Variants in CEP120 observed in about 807,000 individuals in gnomAD.
CEP120 encodes the protein centrosomal protein of 120 kDa.
CEP120 carries 113 observed loss-of-function variants against 126.5 expected under a neutral mutation model. The ratio of observed to expected loss-of-function variants is 0.89; its 90% CI spans 0.77 to 1.04. CEP120 has a LOEUF of 1.04. Ranked by LOEUF, CEP120 falls within the 50% of genes least tolerant of loss-of-function variation. The probability of loss-of-function intolerance (pLI) is 0.00; values close to 1 mark genes in which losing one functional copy is unlikely to be tolerated. For synonymous variants in CEP120, 400 were observed against 394.3 expected (o/e 1.01, Z -0.17); for missense variants, 1,230 against 1,155.7 (o/e 1.06, Z -0.93).
At chr5:123,379,047 A>G (rs1438590404) in intron 14 of CEP120, among the ~76,000 whole-genome samples, 2 of 152,056 alleles carry the variant, frequency 1.3e-5, no homozygotes, top group East Asian at 3.9e-4. Context: ...AAAAAAAAAT[A>G]TAGTCAAAGA....
chr5:123,360,137 A>G (rs964956228), intron 18 of CEP120, among the ~76,000 whole-genome samples: 3 of 151,028 alleles, frequency 2.0e-5, no homozygotes, highest in Non-Finnish European at 3.0e-5. Flanking sequence ...TGCACAAACA[A>G]TCTTCTGAAC....
rs1037708528 is a variant in CEP120, at chr5:123,423,329, G to GGCCGCCGCC, written c.-340_-332dup. 5.7e-6 allele frequency: 2 copies of GGCCGCCGCC among 351,604 alleles called. No individual in the cohort carries two copies. Among genetic ancestry groups the GGCCGCCGCC allele is most frequent in the Non-Finnish European group, 1.0e-5 (2 of 192,174 alleles). The allele number at this position is 351,604 out of a possible 1,614,324, so 21.8% of individuals were successfully genotyped here. A position where few individuals can be genotyped will look rare whatever the true frequency, so the allele number is the denominator to read the frequency against. ...TTTCAAACGCCCGGGCGGCCGCAGCGGCCGCCGCCGCGCCCAGCTTCCGCC... is the reference window on the plus strand; with the variant it reads ...TTTCAAACGCCCGGGCGGCCGCAGCGGCCGCCGCCGCCGCCGCCGCGCCCAGCTTCCGCC... On this transcript the variant is annotated 5_prime_UTR_variant, in exon 1 of 20. Transcript: ENST00000306467.
Position 123,423,319 on chromosome 5 carries a change from C to T in CEP120, c.-321G>A. The T allele has an allele frequency of 2.8e-6, 1 of 353,966 alleles. No homozygotes were observed. Among genetic ancestry groups the T allele is most frequent in the Non-Finnish European group, 5.2e-6 (1 of 193,654 alleles). 21.9% of individuals were successfully genotyped at this position (353,966 alleles called of 1,614,324 possible). ...CGTAGCCGCTTTTCAAACGCCCGGG[C>T]GGCCGCAGCGGCCGCCGCCGCGCCC... On this transcript the variant is annotated 5_prime_UTR_variant, in exon 1 of 20. Transcript: ENST00000306467.
In CEP120 at chr5:123,393,573, C is replaced by T. The variant is rs1772549829; in HGVS notation, c.613-76G>A. On this transcript the variant is annotated intron_variant, in intron 5 of 19. Coordinates refer to ENST00000306467, the MANE Select transcript of CEP120 (RefSeq NM_001375405.1). ...CATGCTTAGTGTATCTATTACATTC[C>T]AAAAACATTTGCTAAAATGTTTTTT... 7.4e-6 allele frequency: 9 copies of T among 1,211,134 alleles called. No individual in the cohort carries two copies. In the South Asian group the frequency reaches 1.3e-4, roughly 17 times the overall value. 75.0% of individuals were successfully genotyped at this position (1,211,134 alleles called of 1,614,324 possible). A position where few individuals can be genotyped will look rare whatever the true frequency, so the allele number is the denominator to read the frequency against.
At chr5:123,414,123 A>T (rs1475759122) in intron 3 of CEP120, among the ~76,000 whole-genome samples, 1 of 152,180 alleles carries the variant, frequency 6.6e-6, no homozygotes, top group Non-Finnish European at 1.5e-5. Flanking sequence ...GAATGCCAAG[A>T]GTATTTAGAG....
intron 18 of CEP120, among the ~76,000 whole-genome samples, chr5:123,353,664 C>T (rs1316125878): frequency 6.6e-6 from 1 of 151,796 alleles, no homozygotes; most frequent in Non-Finnish European, 1.5e-5. Context: ...GATTCAATTT[C>T]TCTAATAGCT....
At chr5:123,415,941 A>C in intron 3 of CEP120, 69 bp downstream of exon 3, 2 of 1,011,660 alleles carry the variant, frequency 2.0e-6, no homozygotes. Context: ...CCTTTTCATC[A>C]ATCTGTTATC....
chr5:123,405,309 T>C (rs1318443761), intron 4 of CEP120, among the ~76,000 whole-genome samples: 1 of 152,184 alleles, frequency 6.6e-6, no homozygotes, highest in African/African-American at 2.4e-5. Context: ...CCCCACACTT[T>C]CGTGACTTTT....
At chr5:123,382,047 G>T in intron 14 of CEP120, 64 bp downstream of exon 14, 4 of 1,138,154 alleles carry the variant, frequency 3.5e-6, no homozygotes, top group South Asian at 2.7e-5. Flanking sequence ...TGTCTTTAAC[G>T]CAAATACAAG....
intron 14 of CEP120, among the ~76,000 whole-genome samples, chr5:123,380,728 G>A (rs1470405525): frequency 6.6e-6 from 1 of 151,980 alleles, no homozygotes; most frequent in Non-Finnish European, 1.5e-5. Context: ...ATGATTCAAG[G>A]ATAAACTCAT....
intron 7 of CEP120, chr5:123,390,409 G>A (rs1772316261): frequency 3.8e-6 from 2 of 519,820 alleles, no homozygotes; most frequent in Middle Eastern, 2.9e-4. Context: ...GTCAGGCATA[G>A]GTGTCCCCGG....
chr5:123,358,669 A>G (rs1769837960), intron 18 of CEP120, among the ~76,000 whole-genome samples: 1 of 147,308 alleles, frequency 6.8e-6, no homozygotes, highest in Non-Finnish European at 1.5e-5. Flanking sequence ...TGAATTTTTA[A>G]TCAAGTATAG....
intron 4 of CEP120, chr5:123,402,309 A>C (rs1773309335): frequency 6.9e-7 from 1 of 1,450,548 alleles, no homozygotes; most frequent in Non-Finnish European, 9.2e-7. Context: ...AGAGGTGGAC[A>C]CCTTGTAGGA....
rs1244490220 is a variant in CEP120, at chr5:123,402,177, C to T, written c.464-2893G>A. The stretch of plus-strand genomic sequence containing the variant: ...GGTGATGCCTCCCATGCCGCTGGCC[C>T]CACCACAGCCGCCGCCCAGGCCACC... On this transcript the variant is annotated intron_variant, in intron 4 of 19. Transcript: ENST00000306467. 3 of 1,576,632 alleles carry T rather than the reference C, an allele frequency of 1.9e-6. No homozygotes were observed. In the African/African-American group the frequency reaches 4.0e-5, roughly 21 times the overall value.
At chr5:123,368,297 G>C (rs1253498672) in intron 17 of CEP120, among the ~76,000 whole-genome samples, 1 of 151,906 alleles carries the variant, frequency 6.6e-6, no homozygotes, top group African/African-American at 2.4e-5. Flanking sequence ...GGGTAAAATG[G>C]AAGTACTCTT....
At chr5:123,409,417 A>T (rs1773892464) in intron 4 of CEP120, among the ~76,000 whole-genome samples, 1 of 152,210 alleles carries the variant, frequency 6.6e-6, no homozygotes, top group African/African-American at 2.4e-5. Flanking sequence ...TTAGAGCCTT[A>T]CTAATGGAAA....
At chr5:123,385,216 A>C in intron 10 of CEP120, 83 bp from the exon 11 acceptor site, 6 of 1,127,350 alleles carry the variant, frequency 5.3e-6, no homozygotes, top group Non-Finnish European at 7.5e-6. Context: ...AATTCCCTCA[A>C]TGGAGTCAAA....
chr5:123,357,521 G>A (rs1561998754), intron 18 of CEP120, among the ~76,000 whole-genome samples: 3 of 152,052 alleles, frequency 2.0e-5, no homozygotes, highest in African/African-American at 7.2e-5. Flanking sequence ...AATTACACTT[G>A]TTGATTAATT....
chr5:123,373,700 T>C (rs765758058), intron 16 of CEP120, among the ~76,000 whole-genome samples: 3 of 152,114 alleles, frequency 2.0e-5, no homozygotes, highest in Non-Finnish European at 4.4e-5. Flanking sequence ...TCCTGAGTTC[T>C]AACTCCAGGC....
Sources: gnomAD v4.1 joint callset for allele counts (sites outside exome capture counted in the v4.1 genomes callset) on GRCh38, gnomAD v4.1.1 for gene constraint, MANE v1.5 for transcripts, NCBI Gene and HGNC (gene_info 2026-07-23, HGNC 2026-07-21) for gene names.